Variants in PSPC1 observed in about 807,000 individuals in gnomAD.
PSPC1 encodes the protein paraspeckle protein 1.
PSPC1 carries 14 observed loss-of-function variants against 51.6 expected under a neutral mutation model. The ratio of observed to expected loss-of-function variants is 0.27; its 90% confidence interval spans 0.18 to 0.42. The LOEUF (loss-of-function observed/expected upper bound fraction) is 0.42, where lower values mean the gene tolerates loss of function less well. Among genes scored for constraint, PSPC1 ranks in the 10% least tolerant of loss-of-function variants. PSPC1 has a pLI of 1.00. For synonymous variants in PSPC1, 193 were observed against 231.9 expected (o/e 0.83, Z 1.53); for missense variants, 406 against 701.1 (o/e 0.58, Z 4.75).
At chr13:19,727,317 C>T (rs1204275052) in intron 6 of PSPC1, among the ~76,000 whole-genome samples, 3 of 152,038 alleles carry the variant, frequency 2.0e-5, no homozygotes, top group Non-Finnish European at 4.4e-5. Flanking sequence ...TCGCTTGAAC[C>T]CAGGAGGCAG....
intron 4 of PSPC1, among the ~76,000 whole-genome samples, chr13:19,746,232 T>C (rs1231416926): frequency 6.6e-5 from 10 of 151,688 alleles, no homozygotes; most frequent in South Asian, 2.1e-4. Context: ...TGAAACCCCA[T>C]CTCTACTACT....
intron 6 of PSPC1, among the ~76,000 whole-genome samples, chr13:19,729,146 A>G (rs1268068841): frequency 2.0e-5 from 3 of 152,198 alleles, no homozygotes; most frequent in African/African-American, 4.8e-5. Context: ...TGCTTCAAGT[A>G]TGCGATACAT....
downstream of PSPC1, among the ~76,000 whole-genome samples, chr13:19,698,482 T>A (rs78193164): frequency 0.01 from 1,546 of 152,032 alleles, 28 homozygotes; most frequent in African/African-American, 0.035. Context: ...TATATTAAAA[T>A]ATGAAGAAAA....
chr13:19,674,537 C>T (rs1270614493), downstream of PSPC1: 3 of 152,136 alleles, frequency 2.0e-5, no homozygotes, highest in African/African-American at 7.2e-5. Flanking sequence ...ACGAAGCTGA[C>T]TGTTTGTTTG....
intron 1 of PSPC1, among the ~76,000 whole-genome samples, chr13:19,780,722 C>T (rs1889865999): frequency 6.8e-6 from 1 of 147,562 alleles, no homozygotes. Flanking sequence ...CCTTTGTTCA[C>T]TTGTTTATCT....
At chr13:19,752,083 A>C (rs1219902893) in intron 3 of PSPC1, among the ~76,000 whole-genome samples, 7 of 152,152 alleles carry the variant, frequency 4.6e-5, no homozygotes. Flanking sequence ...TTTACAAAGG[A>C]AAGTCTGGAA....
At position 19,753,028 on chromosome 13, in the gene PSPC1, A is replaced by T. The variant is rs1886719328; in HGVS notation, c.771-1561T>A. Among the ~76,000 whole-genome samples, 4 of 151,248 alleles carry T rather than the reference A, an allele frequency of 2.6e-5. No homozygotes were observed. The Admixed American group carries it at 2.7e-4, about 10-fold the overall frequency. On this transcript the variant is annotated intron_variant, in intron 3 of 8. Coordinates refer to ENST00000338910, the MANE Select transcript of PSPC1 (RefSeq NM_001354909.2). Reference sequence around the variant, plus strand: ...CTGGGCACGGTAGGTCACACTTGTAATCCCAGCCCTTTGGGAGGCTGAGAC... The same window carrying T: ...CTGGGCACGGTAGGTCACACTTGTATTCCCAGCCCTTTGGGAGGCTGAGAC...
intron 2 of PSPC1, among the ~76,000 whole-genome samples, chr13:19,762,384 C>T (rs963481811): frequency 6.6e-6 from 1 of 151,798 alleles, no homozygotes; most frequent in African/African-American, 2.4e-5. Context: ...AGTGAAATGC[C>T]ATCTCTACTA....
intron 6 of PSPC1, among the ~76,000 whole-genome samples, chr13:19,720,892 A>G (rs1047416462): frequency 6.6e-6 from 1 of 152,156 alleles, no homozygotes; most frequent in Non-Finnish European, 1.5e-5. Context: ...ATAATTATCA[A>G]TCTAACTCAA....
intron 6 of PSPC1, among the ~76,000 whole-genome samples, chr13:19,725,191 G>T (rs926183472): frequency 4.0e-5 from 6 of 151,878 alleles, no homozygotes; most frequent in Admixed American, 3.3e-4. Flanking sequence ...ACGAAAAAAA[G>T]ATTTTAAAAT....
chr13:19,690,899 T>A (rs978224147), intron 6 of PSPC1, among the ~76,000 whole-genome samples: 3 of 152,194 alleles, frequency 2.0e-5, no homozygotes, highest in Non-Finnish European at 4.4e-5. Context: ...ACTCTGACCC[T>A]TTAGTGTAAT....
At chr13:19,733,724 C>A (rs947704728) in intron 5 of PSPC1, among the ~76,000 whole-genome samples, 12 of 151,468 alleles carry the variant, frequency 7.9e-5, no homozygotes, top group Non-Finnish European at 1.3e-4. Flanking sequence ...GATCATGCCA[C>A]TGCACTGCAG....
chr13:19,681,574 G>T (rs1268814010), intron 6 of PSPC1, among the ~76,000 whole-genome samples: 1 of 152,196 alleles, frequency 6.6e-6, no homozygotes, highest in Non-Finnish European at 1.5e-5. Context: ...TAAAAGGCAA[G>T]GATTTCCTGT....
chr13:19,744,989 AAC>A (rs1209946645), intron 4 of PSPC1, among the ~76,000 whole-genome samples: 1 of 152,110 alleles, frequency 6.6e-6, no homozygotes, highest in African/African-American at 2.4e-5. Context: ...TAAACCAAAT[AAC>A]ACTTTGAAAT....
chr13:19,718,093 T>C (rs1015566417), intron 6 of PSPC1, among the ~76,000 whole-genome samples: 1 of 152,196 alleles, frequency 6.6e-6, no homozygotes, highest in Non-Finnish European at 1.5e-5. Flanking sequence ...TATACGTTTC[T>C]ATTGATACAA....
At chr13:19,770,230 A>G (rs927281672) in intron 2 of PSPC1, among the ~76,000 whole-genome samples, 2 of 152,254 alleles carry the variant, frequency 1.3e-5, no homozygotes, top group African/African-American at 4.8e-5. Flanking sequence ...TTATTTATAA[A>G]TAAGAAATAG....
chr13:19,697,519 GA>G (rs1390969301), downstream of PSPC1, among the ~76,000 whole-genome samples: 8 of 152,108 alleles, frequency 5.3e-5, no homozygotes, highest in Non-Finnish European at 7.4e-5. Context: ...ATATGACTAA[GA>G]AAAGTTTTTG....
intron 7 of PSPC1, among the ~76,000 whole-genome samples, chr13:19,708,045 TTTA>T (rs1880922569): frequency 6.6e-6 from 1 of 152,228 alleles, no homozygotes; most frequent in South Asian, 2.1e-4. Flanking sequence ...AATTAAGTTC[TTTA>T]TGGGCGAGGG....
chr13:19,724,092 T>G (rs1037307808), intron 6 of PSPC1, among the ~76,000 whole-genome samples: 2 of 152,236 alleles, frequency 1.3e-5, no homozygotes, highest in Non-Finnish European at 2.9e-5. Context: ...TGTCTTTTGT[T>G]TGAATGCTTC....
Sources: gnomAD v4.1 joint callset for allele counts (sites outside exome capture counted in the v4.1 genomes callset) on GRCh38, gnomAD v4.1.1 for gene constraint, MANE v1.5 for transcripts, NCBI Gene and HGNC (gene_info 2026-07-23, HGNC 2026-07-21) for gene names.